The following PTCHD4 variants were observed in gnomAD, a reference collection of about 807,000 sequenced individuals.
PTCHD4 encodes patched domain containing 4, also known as patched domain-containing protein 4.
Under a neutral mutation model 58.1 loss-of-function variants are expected in PTCHD4, and 33 were observed. That is an observed-to-expected ratio of 0.57 (90% CI 0.43 to 0.76). The LOEUF is 0.76. Ranked by LOEUF, PTCHD4 falls within the 30% of genes least tolerant of loss-of-function variation. The probability of loss-of-function intolerance (pLI) is 0.00; values close to 1 mark genes in which losing one functional copy is unlikely to be tolerated. For missense variants in PTCHD4, 1,058 were observed against 1,027.1 expected (o/e 1.03, Z -0.41); for synonymous variants, 478 against 409.6 (o/e 1.17, Z -2.02).
intron 4 of PTCHD4, among the ~76,000 whole-genome samples, chr6:47,905,464 T>G (rs1235387677): frequency 3.3e-5 from 5 of 152,222 alleles, no homozygotes; most frequent in Admixed American, 6.5e-5. Context: ...GGGTTCTATA[T>G]TGAGAGTAGC....
At chr6:48,071,222 C>G (rs1764969439) in intron 1 of PTCHD4, among the ~76,000 whole-genome samples, 1 of 152,192 alleles carries the variant, frequency 6.6e-6, no homozygotes, top group African/African-American at 2.4e-5. Flanking sequence ...TCATTTCCCA[C>G]ACTTCCTTCT....
At chr6:47,983,647 C>T (rs942315940) in intron 4 of PTCHD4, among the ~76,000 whole-genome samples, 17 of 152,146 alleles carry the variant, frequency 1.1e-4, no homozygotes, top group African/African-American at 4.1e-4. Flanking sequence ...CCTAAAGTTA[C>T]CTTAACATAC....
intron 3 of PTCHD4, among the ~76,000 whole-genome samples, chr6:48,032,679 C>T (rs114813268): frequency 1.6e-3 from 241 of 152,200 alleles, no homozygotes; most frequent in African/African-American, 5.4e-3. Flanking sequence ...ATTAAAGCTA[C>T]AGTATTTCTG....
At position 47,899,230 on chromosome 6, in the gene PTCHD4, G is replaced by T. The variant is rs568843134; in HGVS notation, c.899-19294C>A. On this transcript the variant is annotated intron_variant, in intron 4 of 4. Transcript: ENST00000339488. ...TCTTAGTTGCTCCTATCTTGGTCTT[G>T]CCCTTTCACTTATTTTGCCAACTCC... Among the ~76,000 whole-genome samples, 45 of 152,310 alleles carry T rather than the reference G, an allele frequency of 3.0e-4. No homozygotes were observed. In the South Asian group the frequency reaches 8.9e-3, roughly 30 times the overall value.
chr6:48,036,235 G>C (rs1763631801), intron 3 of PTCHD4, among the ~76,000 whole-genome samples: 1 of 152,000 alleles, frequency 6.6e-6, no homozygotes, highest in Admixed American at 6.6e-5. Context: ...AATACAATTT[G>C]CAAAGACAAA....
In PTCHD4 at chr6:47,907,595, C is replaced by T. The variant is rs538873242; in HGVS notation, c.899-27659G>A. On this transcript the variant is annotated intron_variant, in intron 4 of 4. Transcript: ENST00000339488. ...GGAGAAGCCCATGACTTGGAAATGC[C>T]AAAAGGCACAGCCAAAAAGTCCTGT... Among the ~76,000 whole-genome samples the T allele has an allele frequency of 3.9e-5, 6 of 152,318 alleles. No individual in the cohort carries two copies. The South Asian group carries it at 6.2e-4, about 16-fold the overall frequency.
intron 1 of PTCHD4, among the ~76,000 whole-genome samples, chr6:48,095,376 T>C (rs1026045978): frequency 2.6e-5 from 4 of 152,170 alleles, no homozygotes; most frequent in African/African-American, 9.6e-5. Flanking sequence ...TATTCCATAG[T>C]GATCTTCTTT....
chr6:48,033,461 C>A (rs546385996), intron 3 of PTCHD4, among the ~76,000 whole-genome samples: 1 of 151,570 alleles, frequency 6.6e-6, no homozygotes, highest in South Asian at 2.1e-4. Flanking sequence ...GTCACTGTGG[C>A]TGCACCTCTC....
intron 4 of PTCHD4, among the ~76,000 whole-genome samples, chr6:47,915,421 C>T (rs867424194): frequency 5.3e-5 from 8 of 151,988 alleles, no homozygotes; most frequent in African/African-American, 7.3e-5. Flanking sequence ...GCTGACAATT[C>T]CTGGGTAGAG....
At chr6:48,031,139 C>T (rs1352217128) in intron 3 of PTCHD4, among the ~76,000 whole-genome samples, 1 of 152,086 alleles carries the variant, frequency 6.6e-6, no homozygotes, top group Non-Finnish European at 1.5e-5. Context: ...AAGACCCTTA[C>T]CCCTACCCCT....
At chr6:47,967,736 TTC>T (rs1767347618) in intron 4 of PTCHD4, among the ~76,000 whole-genome samples, 1 of 152,336 alleles carries the variant, frequency 6.6e-6, no homozygotes, top group African/African-American at 2.4e-5. Flanking sequence ...TGGAAACATC[TTC>T]TCTCCCTAAA....
chr6:47,952,710 A>G (rs1168713234), intron 4 of PTCHD4, among the ~76,000 whole-genome samples: 1 of 152,078 alleles, frequency 6.6e-6, no homozygotes, highest in Non-Finnish European at 1.5e-5. Flanking sequence ...TTTTGTACGG[A>G]TTTGTAGTTT....
intron 1 of PTCHD4, among the ~76,000 whole-genome samples, chr6:48,081,491 G>A (rs1477801500): frequency 2.6e-5 from 4 of 151,790 alleles, no homozygotes; most frequent in Non-Finnish European, 5.9e-5. Context: ...CTGTAAAGTG[G>A]GATAATAAAA....
intron 3 of PTCHD4, among the ~76,000 whole-genome samples, chr6:48,038,362 C>T (rs1763720607): frequency 6.6e-6 from 1 of 152,036 alleles, no homozygotes; most frequent in Non-Finnish European, 1.5e-5. Context: ...TCTCTAGAGG[C>T]TGCATGTGGC....
intron 3 of PTCHD4, among the ~76,000 whole-genome samples, chr6:48,066,156 C>A (rs1370524829): frequency 6.6e-6 from 1 of 151,504 alleles, no homozygotes; most frequent in African/African-American, 2.4e-5. Flanking sequence ...TACTGCTAAG[C>A]CTCACGAGAG....
chr6:48,068,540 C>T lies in PTCHD4; in HGVS notation c.107G>A (p.Ser36Asn). The T allele has an allele frequency of 6.2e-7, 1 of 1,608,472 alleles. No homozygotes were observed. The highest frequency in any genetic ancestry group is 8.5e-7 in the Non-Finnish European group (1 of 1,178,840). ...GGTGAGGAAAAAGACCGGGTGCCGG[C>T]TCACGCACAAACCCAGCCTGTGGCA... Reference protein sequence around the residue: ...SFCHRLGLCVSRHPVFFLTVP... With the variant: ...SFCHRLGLCVNRHPVFFLTVP... Residue 36 changes from serine (S) to asparagine (N), a missense_variant, in exon 3 of 5, where the codon AGC (serine) becomes AAC (asparagine). Physicochemically the swap from Ser to Asn is conservative, Grantham distance 46. Transcript: ENST00000339488. The surrounding 1 kb of genome is among the most constrained non-coding windows in gnomAD (Gnocchi z 4.2).
At chr6:47,891,536 C>T (rs1172139265) in intron 4 of PTCHD4, among the ~76,000 whole-genome samples, 1 of 152,158 alleles carries the variant, frequency 6.6e-6, no homozygotes, top group East Asian at 1.9e-4. Context: ...CCTCCTTTAC[C>T]AATCACGGCT....
At chr6:47,970,081 C>G (rs568637858) in intron 4 of PTCHD4, among the ~76,000 whole-genome samples, 1 of 152,168 alleles carries the variant, frequency 6.6e-6, no homozygotes, top group East Asian at 1.9e-4. Context: ...ATAAAAGAGA[C>G]ACCTATGGCT....
intron 4 of PTCHD4, among the ~76,000 whole-genome samples, chr6:47,939,334 C>T (rs1463709626): frequency 1.3e-5 from 2 of 151,220 alleles, no homozygotes; most frequent in Non-Finnish European, 2.9e-5. Flanking sequence ...GTATTGATGT[C>T]TCTGGTTGGA....
Sources: gnomAD v4.1 joint callset for allele counts (sites outside exome capture counted in the v4.1 genomes callset) on GRCh38, gnomAD v4.1.1 for gene constraint, Gnocchi (gnomAD v3.1) non-coding constraint, MANE v1.5 for transcripts, NCBI Gene and HGNC (gene_info 2026-07-23, HGNC 2026-07-21) for gene names.